SGCD: variants seen among roughly 807,000 people sequenced by gnomAD.
SGCD encodes the protein sarcoglycan delta.
SGCD carries 18 observed loss-of-function variants against 36.6 expected under a neutral mutation model. The ratio of observed to expected loss-of-function variants is 0.49; its 90% confidence interval spans 0.34 to 0.73. The LOEUF is 0.73. Among genes scored for constraint, SGCD ranks in the 30% least tolerant of loss-of-function variants. The pLI is 0.01. For missense variants in SGCD, 387 were observed against 346.7 expected (o/e 1.12, Z -0.92); for synonymous variants, 133 against 130.6 (o/e 1.02, Z -0.12).
intron 3 of SGCD, among the ~76,000 whole-genome samples, chr5:156,382,212 A>G (rs1332655072): frequency 6.6e-6 from 1 of 152,094 alleles, no homozygotes; most frequent in South Asian, 2.1e-4. Context: ...CCACATATTT[A>G]ATCAATGCCT....
the SGCD span, among the ~76,000 whole-genome samples, chr5:155,857,123 G>C: frequency 3.3e-5 from 5 of 152,136 alleles, no homozygotes; most frequent in Non-Finnish European, 7.3e-5. Context: ...TGTAATCCCA[G>C]CTACTTGGAA....
the SGCD span, among the ~76,000 whole-genome samples, chr5:155,762,419 A>C: frequency 6.6e-6 from 1 of 152,192 alleles, no homozygotes; most frequent in Non-Finnish European, 1.5e-5. Context: ...TTTTCCTTAA[A>C]TTTCTCCCTG....
intron 1 of SGCD, among the ~76,000 whole-genome samples, chr5:155,974,851 C>G (rs1758078051): frequency 6.6e-6 from 1 of 152,154 alleles, no homozygotes; most frequent in South Asian, 2.1e-4. Context: ...CACAACCCCA[C>G]CATATCTGGT....
the SGCD span, among the ~76,000 whole-genome samples, chr5:155,851,811 G>A: frequency 6.6e-6 from 1 of 152,162 alleles, no homozygotes; most frequent in Non-Finnish European, 1.5e-5. Context: ...GAATCTGTGG[G>A]AAACGGTGTA....
At chr5:155,836,391 T>C in the SGCD span, among the ~76,000 whole-genome samples, 2 of 152,156 alleles carry the variant, frequency 1.3e-5, no homozygotes, top group Non-Finnish European at 2.9e-5. Context: ...TCCTTTTTTA[T>C]TCTGCAAATG....
At position 156,267,865 on chromosome 5, in the gene SGCD, T is replaced by G. The variant is rs796693106; in HGVS notation, c.-43-61669T>G. 2.0e-5 allele frequency among the ~76,000 whole-genome samples: 3 copies of G among 152,284 alleles called. 1 individual carries two copies. The highest frequency in any genetic ancestry group is 7.2e-5 in the African/African-American group (3 of 41,560). ...TTTTTTTAACTTTTAGGTTCAGAGG[T>G]ACATATTCAGGTTTGTTATATAGGT... On this transcript the variant is annotated intron_variant, in intron 3 of 9. Transcript: ENST00000517913.
chr5:155,908,559 G>C lies in SGCD; in HGVS notation c.-282+38135G>C, dbSNP rs555980522. 5.3e-5 allele frequency among the ~76,000 whole-genome samples: 8 copies of C among 152,272 alleles called. No homozygotes were observed. The South Asian group carries it at 6.2e-4, about 12-fold the overall frequency. On this transcript the variant is annotated intron_variant, in intron 1 of 9. Coordinates refer to the SGCD transcript ENST00000517913. Reference sequence around the variant, plus strand: ...TGATTTGCACAAAGTCAGACAGCAAGTGATAGCGAGATTTTTGAATCTATT... The same window carrying C: ...TGATTTGCACAAAGTCAGACAGCAACTGATAGCGAGATTTTTGAATCTATT...
chr5:156,084,418 G>A (rs1367909170), intron 1 of SGCD, among the ~76,000 whole-genome samples: 1 of 152,052 alleles, frequency 6.6e-6, no homozygotes, highest in Non-Finnish European at 1.5e-5. Flanking sequence ...TATAGAAATG[G>A]GATTAATTTT....
chr5:156,485,507 C>T (rs61068059), intron 3 of SGCD, among the ~76,000 whole-genome samples: 25,452 of 151,950 alleles, frequency 0.17, 2,295 homozygotes, highest in Non-Finnish European at 0.21. Context: ...ACTAAAAATA[C>T]AAAAATTTAG....
the SGCD span, among the ~76,000 whole-genome samples, chr5:155,728,731 C>T: frequency 1.3e-5 from 2 of 152,110 alleles, no homozygotes; most frequent in Admixed American, 1.3e-4. Context: ...CCGAAGTCCG[C>T]CCCCAGAGCC....
Position 156,068,004 on chromosome 5 carries a change from A to G in SGCD, c.-281-49874A>G, listed in dbSNP as rs536468320. Among the ~76,000 whole-genome samples the G allele has an allele frequency of 1.1e-4, 17 of 151,322 alleles. No individual in the cohort carries two copies. The South Asian group carries it at 1.5e-3, about 13-fold the overall frequency. ...TTTTAATTGGCAAAATTCTTTCTTT[A>G]GAAATTTTGTTGAAACAAGTAACTG... On this transcript the variant is annotated intron_variant, in intron 1 of 9. Transcript: ENST00000517913.
rs373524477 is a variant in SGCD, at chr5:156,460,677, G to A, written c.193-47924G>A. Among the ~76,000 whole-genome samples the A allele has an allele frequency of 1.1e-4, 16 of 152,208 alleles. No individual in the cohort carries two copies. The East Asian group carries it at 1.9e-3, about 18-fold the overall frequency. ...TTACCCTCAGCTCATTTATTTCATA[G>A]CCTGAGATAGTTAAGGGGTGACTCA... On this transcript the variant is annotated intron_variant, in intron 3 of 8. Transcript: ENST00000337851.
chr5:156,127,263 T>C (rs964651132), intron 3 of SGCD, among the ~76,000 whole-genome samples: 14 of 152,106 alleles, frequency 9.2e-5, no homozygotes, highest in African/African-American at 2.9e-4. Flanking sequence ...ATAAAATTAA[T>C]TTAAATCTAA....
At chr5:156,602,838 T>G (rs968409668) in intron 6 of SGCD, among the ~76,000 whole-genome samples, 1 of 152,212 alleles carries the variant, frequency 6.6e-6, no homozygotes, top group Non-Finnish European at 1.5e-5. Flanking sequence ...TTAAATTCAG[T>G]CAGTTAATAT....
At chr5:156,021,230 C>A (rs576225564) in intron 1 of SGCD, among the ~76,000 whole-genome samples, 1 of 152,062 alleles carries the variant, frequency 6.6e-6, no homozygotes, top group Non-Finnish European at 1.5e-5. Context: ...AGGGGCTTTT[C>A]ATAATTTTTT....
chr5:156,116,768 G>A, intron 1 of SGCD, among the ~76,000 whole-genome samples: 1 of 152,088 alleles, frequency 6.6e-6, no homozygotes, highest in East Asian at 1.9e-4. Flanking sequence ...TAACAATATT[G>A]TCTCATTAGT....
intron 3 of SGCD, among the ~76,000 whole-genome samples, chr5:156,287,448 A>C (rs2127676076): frequency 6.6e-6 from 1 of 152,244 alleles, no homozygotes; most frequent in East Asian, 1.9e-4. Flanking sequence ...ACAAGGAGAA[A>C]AAATGAGGAC....
intron 7 of SGCD, among the ~76,000 whole-genome samples, chr5:156,676,385 T>G (rs777166895): frequency 4.7e-4 from 72 of 152,216 alleles, no homozygotes; most frequent in Non-Finnish European, 9.0e-4. Flanking sequence ...TAATAACAGG[T>G]AGACACCCTC....
intron 3 of SGCD, among the ~76,000 whole-genome samples, chr5:156,498,574 T>C (rs1211013699): frequency 6.6e-6 from 1 of 152,246 alleles, no homozygotes; most frequent in Non-Finnish European, 1.5e-5. Context: ...TTGAGGTTTG[T>C]CCATGTTATA....
Sources: allele counts gnomAD v4.1 joint callset (sites outside exome capture counted in the v4.1 genomes callset), GRCh38; gene constraint gnomAD v4.1.1; transcripts MANE v1.5; gene names NCBI Gene and HGNC (gene_info 2026-07-23, HGNC 2026-07-21).